SCN3A: variants seen among roughly 807,000 people sequenced by gnomAD.
SCN3A encodes sodium voltage-gated channel alpha subunit 3, also known as sodium channel protein type 3 subunit alpha.
A neutral mutation model predicts 187.6 loss-of-function variants in SCN3A; 60 were observed. That is an observed-to-expected ratio of 0.32 (90% confidence interval 0.26 to 0.40). The LOEUF is 0.40. Ranked by LOEUF, SCN3A falls within the 10% of genes least tolerant of loss-of-function variation. SCN3A has a pLI of 1.00. For missense variants in SCN3A, 1,601 were observed against 2,428.2 expected (o/e 0.66, Z 7.16); for synonymous variants, 788 against 829.2 (o/e 0.95, Z 0.85).
intron 13 of SCN3A, 111 bp from the exon 14 acceptor site, chr2:165,139,719 T>C: frequency 7.4e-7 from 1 of 1,360,030 alleles, no homozygotes; most frequent in Non-Finnish European, 1.0e-6. Context: ...GGTAAGAATT[T>C]TCAAGGAATA....
intron 2 of SCN3A, among the ~76,000 whole-genome samples, chr2:165,182,172 C>G (rs1204929495): frequency 6.6e-6 from 1 of 152,136 alleles, no homozygotes; most frequent in Non-Finnish European, 1.5e-5. Flanking sequence ...ACAAAGGGCC[C>G]CAGGAATCCC....
chr2:165,179,134 GA>G (rs113671382), intron 2 of SCN3A, among the ~76,000 whole-genome samples: 1,523 of 142,062 alleles, frequency 0.011, 18 homozygotes, highest in African/African-American at 0.035. Flanking sequence ...TCTTAGAGGA[GA>G]AAAAAAAAAA....
intron 14 of SCN3A, 139 bp downstream of exon 14, chr2:165,139,337 G>A (rs1453679096): frequency 1.7e-6 from 2 of 1,149,994 alleles, no homozygotes; most frequent in Non-Finnish European, 2.5e-6. Flanking sequence ...ATGTGATAAT[G>A]TACTCCATAT....
chr2:165,174,074 C>A (rs6708582), intron 3 of SCN3A, among the ~76,000 whole-genome samples: 2 of 152,168 alleles, frequency 1.3e-5, no homozygotes, highest in Non-Finnish European at 2.9e-5. Context: ...GACAGGACCT[C>A]GATCTGTCAC....
intron 5 of SCN3A, among the ~76,000 whole-genome samples, chr2:165,167,705 T>A (rs141342206): frequency 6.6e-6 from 1 of 152,034 alleles, no homozygotes; most frequent in Non-Finnish European, 1.5e-5. Context: ...GATAAAGAAA[T>A]TGTGTTAGTT....
In SCN3A at chr2:165,186,713, T is replaced by C. The variant is rs1691265112; in HGVS notation, c.-213A>G. 1 of 152,210 alleles carries C rather than the reference T, an allele frequency of 6.6e-6. No homozygotes were observed. The highest frequency in any genetic ancestry group is 1.5e-5 in the Non-Finnish European group (1 of 68,062). The allele number at this position is 152,210 out of a possible 1,614,324, so 9.4% of individuals were successfully genotyped here. Reference sequence around the variant, plus strand: ...GTATCTCATCCCTGTCAAACCTTGATGTGGCTTGGCTTCAGTTTTCTTGCT... The same window carrying C: ...GTATCTCATCCCTGTCAAACCTTGACGTGGCTTGGCTTCAGTTTTCTTGCT... On this transcript the variant is annotated 5_prime_UTR_variant, in exon 2 of 28. Transcript: ENST00000283254.
chr2:165,094,597 A>G (rs1685274227), intron 25 of SCN3A, 119 bp from the exon 26 acceptor site: 2 of 701,774 alleles, frequency 2.8e-6, no homozygotes, highest in African/African-American at 1.8e-5. Context: ...TCCTACATAT[A>G]CATTTATCCT....
intron 9 of SCN3A, among the ~76,000 whole-genome samples, chr2:165,161,267 T>G (rs745729546): frequency 3.3e-5 from 5 of 151,480 alleles, no homozygotes; most frequent in Non-Finnish European, 7.4e-5. Flanking sequence ...TATTAAATCA[T>G]TAATCATCAC....
At chr2:165,103,560 G>A (rs1264045326) in intron 21 of SCN3A, among the ~76,000 whole-genome samples, 1 of 152,118 alleles carries the variant, frequency 6.6e-6, no homozygotes. Flanking sequence ...ACACTACACA[G>A]TAAATAAATG....
At chr2:165,169,014 T>C (rs1267037246) in intron 4 of SCN3A, among the ~76,000 whole-genome samples, 189 bp from the exon 5 acceptor site, 4 of 151,960 alleles carry the variant, frequency 2.6e-5, no homozygotes, top group African/African-American at 9.7e-5. Context: ...TTTCATTTTA[T>C]ACCATATACT....
At chr2:165,143,765 T>A (rs886100183) in intron 12 of SCN3A, among the ~76,000 whole-genome samples, 6 of 152,186 alleles carry the variant, frequency 3.9e-5, no homozygotes, top group African/African-American at 1.4e-4. Context: ...GACTGTTTCT[T>A]AATTTTCAGT....
At position 165,095,539 on chromosome 2, in the gene SCN3A, A is replaced by G. The variant is rs755159935; in HGVS notation, c.4403T>C (p.Ile1468Thr). 4 of 1,612,432 alleles carry G rather than the reference A, an allele frequency of 2.5e-6. No individual in the cohort carries two copies. The highest frequency in any genetic ancestry group is 1.1e-5 in the South Asian group (1 of 91,034). Residue 1468 changes from isoleucine (I) to threonine (T), a missense_variant, in exon 25 of 28, where the codon ATA becomes ACA. This residue lies in a region of SCN3A where 320 missense variants were observed against 623.2 expected (regional missense o/e 0.51). Transcript: ENST00000283254. ...CTTTTTCTGCTGGTTGAAGTTATCT[A>G]TGATGACACCAATGAATAGATTCAG... ...FTLNLFIGVI[I>T]DNFNQQKKKF...
At position 165,094,486 on chromosome 2, in the gene SCN3A, CAT is replaced by C. The variant is rs778525767; in HGVS notation, c.4432-10_4432-9del. On this transcript the variant is annotated splice_polypyrimidine_tract_variant and intron_variant, in intron 25 of 27. Coordinates refer to ENST00000283254, the MANE Select transcript of SCN3A (RefSeq NM_006922.4). ...GATGTCTTGACCTCCAAAGTAAAGACATAGTATAAAACTGGTTACAATTCTGT... is the reference window on the plus strand; with the variant it reads ...GATGTCTTGACCTCCAAAGTAAAGACAGTATAAAACTGGTTACAATTCTGT... The C allele has an allele frequency of 5.7e-6, 9 of 1,571,602 alleles. No homozygotes were observed. In the South Asian group the frequency reaches 8.9e-5, roughly 15 times the overall value.
In SCN3A at chr2:165,113,824, C is replaced by A. The variant is rs769359817; in HGVS notation, c.3661G>T (p.Gly1221Cys). 4.3e-6 allele frequency: 7 copies of A among 1,613,704 alleles called. No homozygotes were observed. The African/African-American group carries it at 9.4e-5, about 22-fold the overall frequency. Residue 1221 changes from glycine to cysteine, a missense_variant, in exon 20 of 28, where the codon GGT becomes TGT. By Grantham distance (159) the Gly-to-Cys change is radical (BLOSUM62 -3). Coordinates refer to ENST00000283254, the MANE Select transcript of SCN3A (RefSeq NM_006922.4). ...FIVFMILLSS[G>C]ALAFEDIYIE... Reference sequence around the variant, plus strand: ...ATATGCATTTCACTTACCAATGCACCACTACTGAGAAGGATCATGAACACA... The same window carrying A: ...ATATGCATTTCACTTACCAATGCACAACTACTGAGAAGGATCATGAACACA...
intron 27 of SCN3A, chr2:165,091,995 A>T (rs2105624949): frequency 1.9e-6 from 1 of 531,964 alleles, no homozygotes; most frequent in East Asian, 3.3e-5. Flanking sequence ...TTGGTTTAAG[A>T]TTAGGAGAGT....
intron 18 of SCN3A, 148 bp from the exon 19 acceptor site, chr2:165,115,723 C>T (rs1048768574): frequency 1.2e-6 from 1 of 816,810 alleles, no homozygotes; most frequent in Admixed American, 2.1e-5. Context: ...AATAATTTAA[C>T]ATAAATCAAG....
intron 15 of SCN3A, among the ~76,000 whole-genome samples, chr2:165,136,198 C>G (rs950439528): frequency 2.0e-5 from 3 of 152,196 alleles, no homozygotes; most frequent in African/African-American, 7.2e-5. Context: ...TATAATCCAG[C>G]CTCTCTTATC....
At chr2:165,102,028 A>C (rs188563308) in intron 21 of SCN3A, among the ~76,000 whole-genome samples, 281 of 152,354 alleles carry the variant, frequency 1.8e-3, no homozygotes, top group Admixed American at 5.3e-3. Context: ...TTATTAGAGA[A>C]CACACAGGCT....
At chr2:165,131,471 C>T (rs1256800106) in intron 15 of SCN3A, 54 bp from the exon 16 acceptor site, 47 of 1,265,362 alleles carry the variant, frequency 3.7e-5, no homozygotes, top group Non-Finnish European at 4.4e-6. Context: ...ACTGATGCTA[C>T]ACGAATTTAT....
Sources: gnomAD v4.1 joint callset for allele counts (sites outside exome capture counted in the v4.1 genomes callset) on GRCh38, gnomAD v4.1.1 for gene constraint, gnomAD v4.1.1 regional missense constraint, MANE v1.5 for transcripts, NCBI Gene and HGNC (gene_info 2026-07-23, HGNC 2026-07-21) for gene names.